TMEM217B: variants seen among roughly 807,000 people sequenced by gnomAD.
TMEM217B encodes transmembrane protein 217B.
chr6:37,232,131 A>T, the TMEM217B span, among the ~76,000 whole-genome samples: 15 of 152,172 alleles, frequency 9.9e-5, no homozygotes, highest in Non-Finnish European at 1.5e-4. Flanking sequence ...AATGGAATTT[A>T]TTCTTAAATC....
the TMEM217B span, among the ~76,000 whole-genome samples, chr6:37,223,798 G>T: frequency 6.6e-6 from 1 of 151,932 alleles, no homozygotes; most frequent in Admixed American, 6.6e-5. Flanking sequence ...GTGAGCCACT[G>T]CACCTAGCCC....
the TMEM217B span, among the ~76,000 whole-genome samples, chr6:37,237,225 C>G: frequency 6.6e-6 from 1 of 152,104 alleles, no homozygotes; most frequent in African/African-American, 2.4e-5. Context: ...TCTGAGTGTT[C>G]ACAATCAAAG....
the TMEM217B span, among the ~76,000 whole-genome samples, chr6:37,237,850 T>C: frequency 6.6e-6 from 1 of 152,156 alleles, no homozygotes; most frequent in South Asian, 2.1e-4. Flanking sequence ...TAGGACTTTA[T>C]ATAGATGCAA....
the TMEM217B span, chr6:37,218,357 G>T: frequency 7.6e-7 from 1 of 1,308,414 alleles, no homozygotes; most frequent in Non-Finnish European, 1.0e-6. Flanking sequence ...TTTTAGTAGA[G>T]ACGGGGTTTT....
At chr6:37,245,763 C>T in the TMEM217B span, among the ~76,000 whole-genome samples, 1 of 151,444 alleles carries the variant, frequency 6.6e-6, no homozygotes, top group Non-Finnish European at 1.5e-5. Flanking sequence ...AGGAGATCTA[C>T]TAGCCTCTCA....
chr6:37,257,730 C>G, the TMEM217B span: 1 of 606,924 alleles, frequency 1.6e-6, no homozygotes, highest in Non-Finnish European at 2.8e-6. Flanking sequence ...CCACGGCTTG[C>G]GCAGCTCACC....
At chr6:37,212,456 G>T in the TMEM217B span, 1 of 445,556 alleles carries the variant, frequency 2.2e-6, no homozygotes, top group Non-Finnish European at 4.5e-6. Context: ...CGGACAGGTA[G>T]TCATGAGTTC....
the TMEM217B span, among the ~76,000 whole-genome samples, chr6:37,216,150 C>T: frequency 4.8e-3 from 733 of 152,178 alleles, 7 homozygotes; most frequent in African/African-American, 0.016. Context: ...GCAATTATGG[C>T]TCACTGCAAC....
the TMEM217B span, among the ~76,000 whole-genome samples, chr6:37,221,636 C>G: frequency 6.6e-6 from 1 of 152,122 alleles, no homozygotes; most frequent in African/African-American, 2.4e-5. Context: ...TATGAAGAAA[C>G]AGGAAACCAT....
At chr6:37,225,490 A>C in the TMEM217B span, among the ~76,000 whole-genome samples, 2 of 152,318 alleles carry the variant, frequency 1.3e-5, no homozygotes, top group South Asian at 4.1e-4. Context: ...GAGTTCCCTA[A>C]GGAAAAAAAT....
chr6:37,223,063 CA>C, the TMEM217B span, among the ~76,000 whole-genome samples: 1 of 151,994 alleles, frequency 6.6e-6, no homozygotes, highest in African/African-American at 2.4e-5. Context: ...CAAGATAAAT[CA>C]GCAGAAATTA....
At chr6:37,248,028 T>A in the TMEM217B span, among the ~76,000 whole-genome samples, 1 of 152,178 alleles carries the variant, frequency 6.6e-6, no homozygotes, top group Non-Finnish European at 1.5e-5. Flanking sequence ...CATAGTTCCA[T>A]GTAGGTCTCA....
the TMEM217B span, among the ~76,000 whole-genome samples, chr6:37,233,088 C>T: frequency 2.1e-4 from 32 of 152,306 alleles, no homozygotes; most frequent in South Asian, 6.2e-4. Flanking sequence ...ACATACTCAA[C>T]GAGAATGCCT....
chr6:37,241,546 T>C, the TMEM217B span, among the ~76,000 whole-genome samples: 14 of 152,156 alleles, frequency 9.2e-5, no homozygotes, highest in Non-Finnish European at 1.6e-4. Flanking sequence ...AAGGTCCCCA[T>C]TCTTGGGCTG....
the TMEM217B span, among the ~76,000 whole-genome samples, chr6:37,239,933 A>G: frequency 9.9e-5 from 15 of 152,004 alleles, no homozygotes; most frequent in African/African-American, 3.6e-4. Flanking sequence ...TGCAAGGAAC[A>G]GAGACTCAAA....
chr6:37,248,695 C>T, the TMEM217B span, among the ~76,000 whole-genome samples: 1 of 152,070 alleles, frequency 6.6e-6, no homozygotes. Flanking sequence ...ATAAGGATGG[C>T]GAACAAGGAA....
chr6:37,224,574 G>A, the TMEM217B span, among the ~76,000 whole-genome samples: 1 of 151,444 alleles, frequency 6.6e-6, no homozygotes, highest in Non-Finnish European at 1.5e-5. Flanking sequence ...CTCCAGGCTG[G>A]GTGACAGAGC....
the TMEM217B span, chr6:37,215,285 A>G: frequency 6.2e-7 from 1 of 1,610,044 alleles, no homozygotes; most frequent in Non-Finnish European, 8.5e-7. Context: ...TGTGGAAGCT[A>G]GACAAATAAA....
At chr6:37,225,927 C>A in the TMEM217B span, among the ~76,000 whole-genome samples, 1 of 152,306 alleles carries the variant, frequency 6.6e-6, no homozygotes, top group Non-Finnish European at 1.5e-5. Flanking sequence ...TGATCTATGA[C>A]CTACCCTATC....
Sources: allele counts gnomAD v4.1 joint callset (sites outside exome capture counted in the v4.1 genomes callset), GRCh38; gene constraint gnomAD v4.1.1; transcripts MANE v1.5; gene names NCBI Gene and HGNC (gene_info 2026-07-23, HGNC 2026-07-21).